Variants in UTRN observed in about 807,000 individuals in gnomAD.
UTRN encodes utrophin.
In UTRN, 283 loss-of-function variants were observed where a neutral mutation model predicts 463.9. The ratio of observed to expected loss-of-function variants is 0.61; its 90% confidence interval spans 0.55 to 0.67. The LOEUF is 0.67. Ranked by LOEUF, UTRN falls within the 30% of genes least tolerant of loss-of-function variation. The pLI is 0.00. For synonymous variants in UTRN, 1,442 were observed against 1,431.5 expected, an observed-to-expected ratio of 1.01 and a Z score of -0.17; for missense variants, 3,922 against 4,084.3, an observed-to-expected ratio of 0.96 and a Z score of 1.08.
rs12180271 is a variant in UTRN, at chr6:144,663,049, T to A, written c.7480-15357T>A. Reference sequence around the variant, plus strand: ...CAATTTCTTACATTGGGTACTGATTTCTAGTCTTCTAGAACCAGAAAGGGC... The same window carrying A: ...CAATTTCTTACATTGGGTACTGATTACTAGTCTTCTAGAACCAGAAAGGGC... On this transcript the variant is annotated intron_variant, in intron 51 of 74. Transcript: ENST00000367545. Among the ~76,000 whole-genome samples, 654 of 152,218 alleles carry A rather than the reference T, an allele frequency of 4.3e-3. 2 individuals carry two copies. The highest frequency in any genetic ancestry group is 0.015 in the African/African-American group (631 of 41,536).
intron 2 of UTRN, among the ~76,000 whole-genome samples, chr6:144,312,423 C>CA (rs59056805): frequency 0.14 from 11,839 of 85,676 alleles, 1,452 homozygotes; most frequent in African/African-American, 0.36. Flanking sequence ...GACTCCATCT[C>CA]AAAAAAAAAA....
At chr6:144,850,361 G>A (rs1782385030) in intron 74 of UTRN, among the ~76,000 whole-genome samples, 1 of 152,080 alleles carries the variant, frequency 6.6e-6, no homozygotes, top group Admixed American at 6.6e-5. Flanking sequence ...TGATTTATGA[G>A]GCATGGACCA....
Position 144,667,531 on chromosome 6 carries a change from G to T in UTRN, c.7480-10875G>T, listed in dbSNP as rs1004693223. ...CTCCTTGGCAATAGAGAGCAAAGAG[G>T]TGCCTTGCTTGTCGTGTCATTGAGC... On this transcript the variant is annotated intron_variant, in intron 51 of 74. Transcript: ENST00000367545. Among the ~76,000 whole-genome samples, 4 of 152,154 alleles carry T rather than the reference G, an allele frequency of 2.6e-5. No individual in the cohort carries two copies. In the East Asian group the frequency reaches 7.7e-4, roughly 29 times the overall value.
intron 55 of UTRN, 150 bp from the exon 56 acceptor site, chr6:144,751,656 C>A: frequency 1.6e-6 from 1 of 630,580 alleles, no homozygotes; most frequent in Non-Finnish European, 2.4e-6. Flanking sequence ...TGAAAAAAAT[C>A]TGTGCATAAA....
intron 52 of UTRN, among the ~76,000 whole-genome samples, chr6:144,686,248 G>C (rs1782745394): frequency 6.6e-6 from 1 of 152,054 alleles, no homozygotes; most frequent in African/African-American, 2.4e-5. Context: ...CTGCTTCATT[G>C]GTCTATGAAG....
In UTRN at chr6:144,363,520, A is replaced by C. The variant is rs568971228; in HGVS notation, c.80-39603A>C. The stretch of plus-strand genomic sequence containing the variant: ...CAAGACAGCGTCTAGGTCCCAACTC[A>C]GTTGGTAGGAATTTGTGCAGTAGCA... On this transcript the variant is annotated intron_variant, in intron 2 of 74. Coordinates refer to ENST00000367545, the MANE Select transcript of UTRN (RefSeq NM_007124.3). 5.3e-5 allele frequency among the ~76,000 whole-genome samples: 8 copies of C among 152,318 alleles called. No individual in the cohort carries two copies. In the East Asian group the frequency reaches 1.5e-3, roughly 29 times the overall value.
At chr6:144,736,247 T>G (rs905943105) in intron 54 of UTRN, among the ~76,000 whole-genome samples, 10 of 152,234 alleles carry the variant, frequency 6.6e-5, no homozygotes, top group Non-Finnish European at 1.0e-4. Flanking sequence ...TTAGTTATCC[T>G]GTTTGATGCC....
chr6:144,422,695 T>G lies in UTRN; in HGVS notation c.234+725T>G, dbSNP rs1185274102. ...TTCAGGATTATATTTTGTTGATTTATTTTTTAAATACAACTCTATTATTTT... is the reference window on the plus strand; with the variant it reads ...TTCAGGATTATATTTTGTTGATTTAGTTTTTAAATACAACTCTATTATTTT... On this transcript the variant is annotated intron_variant, in intron 4 of 74. Coordinates refer to ENST00000367545, the MANE Select transcript of UTRN (RefSeq NM_007124.3). Among the ~76,000 whole-genome samples, 4 of 152,260 alleles carry G rather than the reference T, an allele frequency of 2.6e-5. No homozygotes were observed. The East Asian group carries it at 7.7e-4, about 29-fold the overall frequency.
intron 2 of UTRN, among the ~76,000 whole-genome samples, chr6:144,327,138 C>T (rs779097871): frequency 6.6e-5 from 10 of 151,904 alleles, no homozygotes; most frequent in African/African-American, 2.2e-4. Context: ...CAGATCAGGC[C>T]GACCTTGGCT....
At chr6:144,567,733 A>G (rs1800531997) in intron 50 of UTRN, among the ~76,000 whole-genome samples, 1 of 152,208 alleles carries the variant, frequency 6.6e-6, no homozygotes, top group Admixed American at 6.5e-5. Context: ...TCATTCTAAA[A>G]GAGATAAATG....
chr6:144,385,911 G>A (rs905800457), intron 2 of UTRN, among the ~76,000 whole-genome samples: 2 of 152,054 alleles, frequency 1.3e-5, no homozygotes, highest in Non-Finnish European at 2.9e-5. Context: ...GTTTCATCAT[G>A]TTGACCAGGC....
intron 52 of UTRN, among the ~76,000 whole-genome samples, chr6:144,687,101 A>G (rs1782851113): frequency 6.6e-6 from 1 of 152,158 alleles, no homozygotes; most frequent in Non-Finnish European, 1.5e-5. Context: ...ATGTTGAAAC[A>G]TTCCTGCGTC....
chr6:144,570,469 C>T (rs956292793), intron 50 of UTRN, among the ~76,000 whole-genome samples: 5 of 152,274 alleles, frequency 3.3e-5, no homozygotes, highest in East Asian at 1.9e-4. Flanking sequence ...CTTGCCCAAG[C>T]GCTCATGGCT....
At chr6:144,384,855 G>A (rs534009327) in intron 2 of UTRN, among the ~76,000 whole-genome samples, 16 of 152,230 alleles carry the variant, frequency 1.1e-4, no homozygotes, top group Admixed American at 1.3e-4. Flanking sequence ...TGTGAATAGC[G>A]TTCCTATTAA....
chr6:144,359,803 A>G (rs140442011), intron 2 of UTRN, among the ~76,000 whole-genome samples: 5 of 151,456 alleles, frequency 3.3e-5, no homozygotes, highest in African/African-American at 7.3e-5. Flanking sequence ...AGCCTGTATT[A>G]CATTTCATCG....
chr6:144,497,593 A>G (rs1793782710), intron 33 of UTRN, among the ~76,000 whole-genome samples: 1 of 151,866 alleles, frequency 6.6e-6, no homozygotes, highest in South Asian at 2.1e-4. Context: ...AGGCAGGAGA[A>G]TCACTTGAAC....
chr6:144,701,031 C>A (rs948851104), intron 53 of UTRN, among the ~76,000 whole-genome samples: 1 of 152,124 alleles, frequency 6.6e-6, no homozygotes, highest in Non-Finnish European at 1.5e-5. Context: ...CTCAGCCTCC[C>A]AAGTAGCTGG....
intron 52 of UTRN, among the ~76,000 whole-genome samples, chr6:144,692,401 A>G (rs542255481): frequency 6.6e-6 from 1 of 152,324 alleles, no homozygotes; most frequent in South Asian, 2.1e-4. Flanking sequence ...TCCTTTGGGT[A>G]TATACCCAGT....
At chr6:144,538,693 T>C (rs1797750447) in intron 44 of UTRN, among the ~76,000 whole-genome samples, 1 of 151,308 alleles carries the variant, frequency 6.6e-6, no homozygotes, top group South Asian at 2.1e-4. Flanking sequence ...AAAAAGAAAT[T>C]ATGAGTGTGT....
Sources: gnomAD v4.1 joint callset for allele counts (sites outside exome capture counted in the v4.1 genomes callset) on GRCh38, gnomAD v4.1.1 for gene constraint, MANE v1.5 for transcripts, NCBI Gene and HGNC (gene_info 2026-07-23, HGNC 2026-07-21) for gene names.